Variants in NBAS observed in about 807,000 individuals in gnomAD.
NBAS encodes NBAS subunit of NRZ tethering complex.
In NBAS, 219 loss-of-function variants were observed where a neutral mutation model predicts 302.5. That is an observed-to-expected ratio of 0.72 (90% CI 0.65 to 0.81). NBAS has a LOEUF of 0.81. Among genes scored for constraint, NBAS ranks in the 30% least tolerant of loss-of-function variants. The pLI is 0.00. For missense variants in NBAS, 2,932 were observed against 2,841.6 expected, an observed-to-expected ratio of 1.03 and a Z score of -0.72; for synonymous variants, 1,118 against 1,021.6, an observed-to-expected ratio of 1.09 and a Z score of -1.80.
the NBAS span, among the ~76,000 whole-genome samples, chr2:14,838,648 G>T: frequency 1.3e-5 from 2 of 152,042 alleles, no homozygotes; most frequent in South Asian, 4.2e-4. Flanking sequence ...TTGAACAGAT[G>T]TTTACAGAAA....
rs1226544998 is a variant in NBAS at position 15,198,819 on chromosome 2, A to T, written c.6433-8416T>A. Among the ~76,000 whole-genome samples, 3 of 152,296 alleles carry T rather than the reference A, an allele frequency of 2.0e-5. No homozygotes were observed. In the East Asian group the frequency reaches 5.8e-4, roughly 29 times the overall value. ...AATGTATGTGCATACTATAGCTAATATTGCTCATTAAGAGTTAGAAAAATT... is the reference window on the plus strand; with the variant it reads ...AATGTATGTGCATACTATAGCTAATTTTGCTCATTAAGAGTTAGAAAAATT... On this transcript the variant is annotated intron_variant, in intron 48 of 51. Transcript: ENST00000281513.
intron 32 of NBAS, among the ~76,000 whole-genome samples, chr2:15,364,148 C>T (rs1429681163): frequency 6.6e-6 from 1 of 152,172 alleles, no homozygotes; most frequent in South Asian, 2.1e-4. Context: ...TGTAAATATT[C>T]CCCTTGAAGT....
At chr2:15,245,376 A>T (rs1171430440) in intron 44 of NBAS, among the ~76,000 whole-genome samples, 1 of 151,934 alleles carries the variant, frequency 6.6e-6, no homozygotes, top group Non-Finnish European at 1.5e-5. Flanking sequence ...CACCCTCATG[A>T]CTTGACCCTC....
the NBAS span, among the ~76,000 whole-genome samples, chr2:15,100,577 C>T: frequency 1.8e-4 from 27 of 152,244 alleles, no homozygotes; most frequent in Admixed American, 8.5e-4. Context: ...AGTTGTTGAA[C>T]TTGAAGGTGG....
chr2:15,268,270 T>C (rs1420012508), intron 44 of NBAS, among the ~76,000 whole-genome samples: 1 of 152,208 alleles, frequency 6.6e-6, no homozygotes, highest in Non-Finnish European at 1.5e-5. Context: ...TCTTCTGGTA[T>C]TGTTGTTTTC....
At chr2:14,798,839 G>A in the NBAS span, among the ~76,000 whole-genome samples, 1 of 151,890 alleles carries the variant, frequency 6.6e-6, no homozygotes, top group African/African-American at 2.4e-5. Flanking sequence ...TAGGTAGGTG[G>A]TTAAATTTAT....
At chr2:14,989,590 A>T in the NBAS span, among the ~76,000 whole-genome samples, 1 of 152,108 alleles carries the variant, frequency 6.6e-6, no homozygotes, top group Non-Finnish European at 1.5e-5. Context: ...AAAAAAAGAC[A>T]ATGAAATGGT....
chr2:14,945,554 C>T, the NBAS span, among the ~76,000 whole-genome samples: 4 of 152,026 alleles, frequency 2.6e-5, no homozygotes, highest in Non-Finnish European at 5.9e-5. Flanking sequence ...AAAGCCAACT[C>T]AGGAATTTAT....
At chr2:15,056,094 C>A in the NBAS span, among the ~76,000 whole-genome samples, 2 of 42,998 alleles carry the variant, frequency 4.7e-5, no homozygotes, top group African/African-American at 9.4e-5. Context: ...TTAGAGTCTC[C>A]TGGAAGTAAA....
At chr2:15,000,004 T>C in the NBAS span, among the ~76,000 whole-genome samples, 2 of 152,218 alleles carry the variant, frequency 1.3e-5, no homozygotes, top group Non-Finnish European at 2.9e-5. Flanking sequence ...GTTGGTTTTA[T>C]TGAAGTTATT....
chr2:15,012,016 C>G, the NBAS span, among the ~76,000 whole-genome samples: 1 of 152,042 alleles, frequency 6.6e-6, no homozygotes, highest in African/African-American at 2.4e-5. Flanking sequence ...CATGAAAAAG[C>G]AAGGAAACAT....
chr2:15,498,135 G>C (rs941044499), intron 11 of NBAS, among the ~76,000 whole-genome samples: 1 of 152,236 alleles, frequency 6.6e-6, no homozygotes, highest in East Asian at 1.9e-4. Context: ...ACAGAAACGG[G>C]AAGTAGCTCA....
the NBAS span, among the ~76,000 whole-genome samples, chr2:14,821,379 T>A: frequency 6.6e-6 from 1 of 152,206 alleles, no homozygotes; most frequent in Non-Finnish European, 1.5e-5. Flanking sequence ...TATGTGACGC[T>A]GATGATATTC....
the NBAS span, among the ~76,000 whole-genome samples, chr2:14,908,679 G>C: frequency 0.011 from 1,624 of 152,328 alleles, 41 homozygotes; most frequent in African/African-American, 0.038. Flanking sequence ...TTTCCGTGCT[G>C]ATTGATTAGA....
In NBAS at chr2:15,218,756, T is replaced by C. The variant is rs1666772069; in HGVS notation, c.6432+17A>G. 2 of 1,614,040 alleles carry C rather than the reference T, an allele frequency of 1.2e-6. No individual in the cohort carries two copies. The highest frequency in any genetic ancestry group is 1.7e-6 in the Non-Finnish European group (2 of 1,179,966). ...TTATTGTTAGTAAGAAAAATAATCATTCAGACACTCCCTTACCTGTCTCTG... is the reference window on the plus strand; with the variant it reads ...TTATTGTTAGTAAGAAAAATAATCACTCAGACACTCCCTTACCTGTCTCTG... On this transcript the variant is annotated intron_variant, in intron 48 of 51. Coordinates refer to ENST00000281513, the MANE Select transcript of NBAS (RefSeq NM_015909.4).
At chr2:15,326,356 A>T (rs771343218) in intron 38 of NBAS, among the ~76,000 whole-genome samples, 1 of 152,218 alleles carries the variant, frequency 6.6e-6, no homozygotes, top group South Asian at 2.1e-4. Flanking sequence ...TTTATAGACT[A>T]AATAATAAAA....
chr2:15,455,819 C>T (rs1053335373), intron 21 of NBAS, among the ~76,000 whole-genome samples: 2 of 150,180 alleles, frequency 1.3e-5, no homozygotes, highest in African/African-American at 4.9e-5. Context: ...GTTCAAAATA[C>T]AGTCTTTTTA....
intron 1 of NBAS, among the ~76,000 whole-genome samples, chr2:15,560,291 G>C (rs1253519265): frequency 6.6e-6 from 1 of 151,920 alleles, no homozygotes; most frequent in Non-Finnish European, 1.5e-5. Context: ...TGGATCCATG[G>C]TTCCTACTCT....
chr2:14,993,596 T>A, the NBAS span, among the ~76,000 whole-genome samples: 1 of 152,228 alleles, frequency 6.6e-6, no homozygotes, highest in Admixed American at 6.5e-5. Flanking sequence ...AATTTGCTAT[T>A]TCAAAGTGTT....
Sources: gnomAD v4.1 joint callset for allele counts (sites outside exome capture counted in the v4.1 genomes callset) on GRCh38, gnomAD v4.1.1 for gene constraint, MANE v1.5 for transcripts, NCBI Gene and HGNC (gene_info 2026-07-23, HGNC 2026-07-21) for gene names.